The following CLSTN1 variants were observed in gnomAD, a reference collection of about 807,000 sequenced individuals.
CLSTN1 encodes calsyntenin 1, also known as calsyntenin-1.
A neutral mutation model predicts 108.3 loss-of-function variants in CLSTN1; 28 were observed. That is an observed-to-expected ratio of 0.26 (90% CI 0.19 to 0.35). The LOEUF is 0.35. Among genes scored for constraint, CLSTN1 ranks in the 10% least tolerant of loss-of-function variants. The pLI, the probability that CLSTN1 is intolerant of heterozygous loss-of-function variation, is 1.00. For synonymous variants in CLSTN1, 524 were observed against 534.9 expected (o/e 0.98, Z 0.28); for missense variants, 1,157 against 1,302.6 (o/e 0.89, Z 1.72).
chr1:9,791,512 G>C (rs1347166759), intron 1 of CLSTN1, among the ~76,000 whole-genome samples: 2 of 151,450 alleles, frequency 1.3e-5, no homozygotes, highest in African/African-American at 2.4e-5. Flanking sequence ...GGGATTACAG[G>C]AGTGAGCCAC....
At chr1:9,757,967 G>A (rs961759445) in intron 2 of CLSTN1, among the ~76,000 whole-genome samples, 3 of 151,868 alleles carry the variant, frequency 2.0e-5, no homozygotes, top group African/African-American at 4.8e-5. Flanking sequence ...TTTTAAAAAT[G>A]GTATCACATG....
chr1:9,785,899 G>C (rs978073500), intron 1 of CLSTN1, among the ~76,000 whole-genome samples: 1 of 152,094 alleles, frequency 6.6e-6, no homozygotes, highest in African/African-American at 2.4e-5. Flanking sequence ...ATTAAGGCCG[G>C]GCACGGTAGG....
intron 1 of CLSTN1, among the ~76,000 whole-genome samples, chr1:9,817,270 T>C (rs1345351661): frequency 6.6e-6 from 1 of 152,200 alleles, no homozygotes; most frequent in Non-Finnish European, 1.5e-5. Context: ...ATGACTCTTC[T>C]TTTGATATGC....
intron 1 of CLSTN1, among the ~76,000 whole-genome samples, chr1:9,784,458 A>T (rs778081001): frequency 2.6e-5 from 4 of 152,212 alleles, no homozygotes; most frequent in Non-Finnish European, 4.4e-5. Context: ...CCGTGAGCCA[A>T]GATCTCACCA....
intron 1 of CLSTN1, among the ~76,000 whole-genome samples, chr1:9,802,823 A>ATTTTTT (rs34247091): frequency 7.7e-6 from 1 of 130,548 alleles, no homozygotes; most frequent in Non-Finnish European, 1.6e-5. Context: ...ATTTTCTTAG[A>ATTTTTT]TTTTTTTTTT....
intron 16 of CLSTN1, among the ~76,000 whole-genome samples, chr1:9,732,445 T>C (rs1288319616): frequency 1.3e-5 from 2 of 152,090 alleles, no homozygotes; most frequent in Non-Finnish European, 2.9e-5. Context: ...TCCCCATGGG[T>C]CGTTTGGGAA....
chr1:9,786,337 T>C (rs1184353571), intron 1 of CLSTN1, among the ~76,000 whole-genome samples: 1 of 152,054 alleles, frequency 6.6e-6, no homozygotes, highest in African/African-American at 2.4e-5. Context: ...TTACACACAA[T>C]GCAGCTGTTC....
intron 1 of CLSTN1, among the ~76,000 whole-genome samples, chr1:9,822,679 G>C (rs1432283518): frequency 2.0e-5 from 3 of 152,152 alleles, no homozygotes; most frequent in African/African-American, 7.2e-5. Flanking sequence ...TCTGCAATGC[G>C]TAAGCTTTTC....
intron 8 of CLSTN1, 50 bp from the exon 9 acceptor site, chr1:9,744,055 GA>G (rs1557694730): frequency 3.1e-6 from 5 of 1,599,742 alleles, no homozygotes; most frequent in Admixed American, 1.7e-5. Flanking sequence ...ATCCAAAGGA[GA>G]AATTAAAGCT....
At position 9,731,307 on chromosome 1, in the gene CLSTN1, G is replaced by C; in HGVS notation, c.2647C>G (p.Arg883Gly). The change falls in exon 18 of 19, where the codon CGG (arginine) becomes GGG (glycine). Residue 883 changes from arginine (R) to glycine (G), a missense_variant. By Grantham distance (125) the Arg-to-Gly change is moderately radical. Transcript: ENST00000377298. ...CGCATGGTCCGCCGATGTGCGGCCC[G>C]GATCCGAAATACCCCCAGGATAATC... ...FMIILGVFRI[R>G]AAHRRTMRDQ... The C allele has an allele frequency of 6.2e-7, 1 of 1,614,244 alleles. No homozygotes were observed. The highest frequency in any genetic ancestry group is 8.5e-7 in the Non-Finnish European group (1 of 1,180,046).
chr1:9,810,159 GAGGA>G (rs1557725552), intron 1 of CLSTN1, among the ~76,000 whole-genome samples: 9 of 133,414 alleles, frequency 6.7e-5, no homozygotes, highest in South Asian at 2.9e-4. Context: ...GGAAGGAGGG[GAGGA>G]AGGGAGGGAA....
intron 2 of CLSTN1, among the ~76,000 whole-genome samples, chr1:9,762,566 G>A (rs1055956627): frequency 4.8e-5 from 7 of 145,280 alleles, no homozygotes; most frequent in Admixed American, 2.8e-4. Flanking sequence ...CGCTCCACTC[G>A]GCCTTGGTGC....
At chr1:9,748,660 G>GT (rs956957623) in intron 7 of CLSTN1, among the ~76,000 whole-genome samples, 18 of 151,670 alleles carry the variant, frequency 1.2e-4, no homozygotes, top group South Asian at 2.1e-4. Context: ...GCTAGTTTTT[G>GT]TTTTTTTTGT....
rs1351745682 is a variant in CLSTN1, at chr1:9,735,345, A to C, written c.1883+122T>G. On this transcript the variant is annotated intron_variant, in intron 13 of 18. Transcript: ENST00000377298. ...TAAATATCACTCAGCTCTCTGCCCC[A>C]CACTTTCTGGTTACACACGATGGCT... 24 of 1,454,790 alleles carry C rather than the reference A, an allele frequency of 1.6e-5. 1 individual carries two copies. The South Asian group carries it at 2.8e-4, about 17-fold the overall frequency. The allele number at this position is 1,454,790 out of a possible 1,614,324, so 90.1% of individuals were successfully genotyped here.
At chr1:9,766,429 C>T (rs1652335509) in intron 2 of CLSTN1, among the ~76,000 whole-genome samples, 1 of 152,068 alleles carries the variant, frequency 6.6e-6, no homozygotes, top group Non-Finnish European at 1.5e-5. Context: ...GAGGCCAAGG[C>T]GGAGGATCAC....
intron 1 of CLSTN1, among the ~76,000 whole-genome samples, chr1:9,809,783 C>G (rs1355001843): frequency 6.6e-6 from 1 of 151,508 alleles, no homozygotes; most frequent in Non-Finnish European, 1.5e-5. Context: ...TGCCTATAAT[C>G]CCAGCTACTC....
intron 5 of CLSTN1, among the ~76,000 whole-genome samples, chr1:9,750,438 C>CT (rs368194142): frequency 5.3e-5 from 8 of 151,414 alleles, no homozygotes; most frequent in South Asian, 4.2e-4. Flanking sequence ...ACTGTATTAT[C>CT]TTTTTTTTTC....
At chr1:9,777,485 T>C (rs917011499) in intron 1 of CLSTN1, among the ~76,000 whole-genome samples, 1 of 152,122 alleles carries the variant, frequency 6.6e-6, no homozygotes, top group African/African-American at 2.4e-5. Flanking sequence ...ATCTCGCCAC[T>C]GCACTCCAGC....
At chr1:9,738,877 C>T (rs1162709100) in intron 10 of CLSTN1, among the ~76,000 whole-genome samples, 1 of 152,160 alleles carries the variant, frequency 6.6e-6, no homozygotes, top group African/African-American at 2.4e-5. Flanking sequence ...TCGAAATTCT[C>T]CTGACCTTGA....
Sources: allele counts gnomAD v4.1 joint callset (sites outside exome capture counted in the v4.1 genomes callset), GRCh38; gene constraint gnomAD v4.1.1; transcripts MANE v1.5; gene names NCBI Gene and HGNC (gene_info 2026-07-23, HGNC 2026-07-21).